GATAD1: variants seen among roughly 807,000 people sequenced by gnomAD.
GATAD1 encodes the protein GATA zinc finger domain-containing protein 1.
Under a neutral mutation model 26.5 loss-of-function variants are expected in GATAD1, and 12 were observed. That is an observed-to-expected ratio of 0.45 (90% CI 0.29 to 0.73). GATAD1 has a LOEUF of 0.73. Ranked by LOEUF, GATAD1 falls within the 30% of genes least tolerant of loss-of-function variation. GATAD1 has a pLI of 0.10. For synonymous variants in GATAD1, 129 were observed against 133.1 expected (o/e 0.97, Z 0.21); for missense variants, 266 against 342.1 (o/e 0.78, Z 1.75).
chr7:92,495,081 CATTT>C, the GATAD1 span, among the ~76,000 whole-genome samples: 1 of 151,858 alleles, frequency 6.6e-6, no homozygotes, highest in African/African-American at 2.4e-5. Flanking sequence ...AATGCCTATT[CATTT>C]ATTTTGCCCA....
At chr7:92,493,003 T>C in the GATAD1 span, 1 of 1,613,952 alleles carries the variant, frequency 6.2e-7, no homozygotes, top group Middle Eastern at 1.6e-4. Context: ...AATTGGGCAT[T>C]GTAAAGTAAA....
the GATAD1 span, chr7:92,470,888 C>G: frequency 6.0e-6 from 1 of 167,334 alleles, no homozygotes; most frequent in Non-Finnish European, 1.5e-5. Context: ...ACAGAGCAGG[C>G]CATGTGAGGT....
chr7:92,493,122 C>G, the GATAD1 span: 1 of 1,589,648 alleles, frequency 6.3e-7, no homozygotes, highest in Non-Finnish European at 8.6e-7. Context: ...AATTTCAAGA[C>G]GTGACACCTG....
chr7:92,459,694 C>T lies in GATAD1; in HGVS notation c.*3132C>T, dbSNP rs1209646322. Among the ~76,000 whole-genome samples, 1 of 152,222 alleles carries T rather than the reference C, an allele frequency of 6.6e-6. No individual in the cohort carries two copies. Among genetic ancestry groups the T allele is most frequent in the African/African-American group, 2.4e-5 (1 of 41,456 alleles). On this transcript the variant is annotated 3_prime_UTR_variant, in exon 5 of 5. Transcript: ENST00000287957. ...GAATCAATCTCTATCCTATTGTCAT[C>T]ACATTTAAGTTTCTACTTCCATCAT...
the GATAD1 span, chr7:92,489,357 T>C: frequency 6.2e-7 from 1 of 1,611,600 alleles, no homozygotes; most frequent in Admixed American, 1.7e-5. Flanking sequence ...AGTGCAGTCA[T>C]TAAATGTGAC....
chr7:92,475,619 C>T, the GATAD1 span, among the ~76,000 whole-genome samples: 232 of 150,364 alleles, frequency 1.5e-3, 1 homozygote, highest in Middle Eastern at 3.5e-3. Context: ...CTCTGTTTAT[C>T]GGATTAGTTA....
At chr7:92,487,339 TA>T in the GATAD1 span, 1 of 626,246 alleles carries the variant, frequency 1.6e-6, no homozygotes, top group South Asian at 2.0e-5. Flanking sequence ...TGTGATTTTA[TA>T]AATTAACCAA....
At chr7:92,454,834 T>C (rs1789601197) in intron 4 of GATAD1, 149 bp downstream of exon 4, 1 of 583,036 alleles carries the variant, frequency 1.7e-6, no homozygotes, top group East Asian at 3.1e-5. Context: ...CTCACAGTTG[T>C]GGAGGCTGAA....
At chr7:92,456,340 T>A in intron 4 of GATAD1, 32 bp from the exon 5 acceptor site, 14 of 1,422,122 alleles carry the variant, frequency 9.8e-6, no homozygotes, top group Non-Finnish European at 1.4e-5. Flanking sequence ...TGGTCAAAAA[T>A]GTATTTAACC....
chr7:92,485,754 T>TAAG, the GATAD1 span, among the ~76,000 whole-genome samples: 5 of 152,290 alleles, frequency 3.3e-5, no homozygotes, highest in East Asian at 9.6e-4. Flanking sequence ...ACAGAATTGT[T>TAAG]AAGTAACATA....
chr7:92,493,158 T>A, the GATAD1 span: 2 of 1,249,312 alleles, frequency 1.6e-6, no homozygotes, highest in Middle Eastern at 2.1e-4. Flanking sequence ...ATTTAACAAA[T>A]AAAAAATAAA....
the GATAD1 span, chr7:92,491,563 A>G: frequency 8.1e-5 from 79 of 971,392 alleles, no homozygotes; most frequent in Middle Eastern, 2.1e-4. Context: ...TCAGAAATAA[A>G]TAATAACATA....
At chr7:92,489,232 A>G in the GATAD1 span, 1 of 1,393,360 alleles carries the variant, frequency 7.2e-7, no homozygotes, top group Non-Finnish European at 1.0e-6. Flanking sequence ...TAAAGGTTTA[A>G]GTGTAATACT....
At chr7:92,462,718 C>T (rs561218782), downstream of GATAD1, among the ~76,000 whole-genome samples, 7 of 152,182 alleles carry the variant, frequency 4.6e-5, no homozygotes, top group Non-Finnish European at 7.3e-5. Context: ...TCTACGAGGT[C>T]ATGAGGGTGG....
At chr7:92,491,858 G>A in the GATAD1 span, among the ~76,000 whole-genome samples, 2 of 152,092 alleles carry the variant, frequency 1.3e-5, no homozygotes, top group Admixed American at 1.3e-4. Context: ...ATTATAGAGA[G>A]CTCTACAAAT....
the GATAD1 span, chr7:92,489,733 C>A: frequency 1.2e-6 from 2 of 1,614,072 alleles, no homozygotes; most frequent in East Asian, 4.5e-5. Flanking sequence ...GCTCCGGTAT[C>A]TGCCTTTGAT....
chr7:92,450,658 C>A (rs753276680), intron 2 of GATAD1, 43 bp from the exon 3 acceptor site: 7 of 1,349,738 alleles, frequency 5.2e-6, no homozygotes, highest in Non-Finnish European at 7.4e-6. Context: ...CCTGTAGACA[C>A]ATACATACTA....
At chr7:92,492,856 G>A in the GATAD1 span, 1 of 929,348 alleles carries the variant, frequency 1.1e-6, no homozygotes, top group South Asian at 1.3e-5. Context: ...TTTTACCAAA[G>A]TTGTTTAAAA....
intron 3 of GATAD1, among the ~76,000 whole-genome samples, chr7:92,452,765 A>C (rs2115866118): frequency 6.6e-6 from 1 of 152,338 alleles, no homozygotes; most frequent in East Asian, 1.9e-4. Flanking sequence ...TCTTTCACTA[A>C]GACATTGTTT....
Sources: gnomAD v4.1 joint callset for allele counts (sites outside exome capture counted in the v4.1 genomes callset) on GRCh38, gnomAD v4.1.1 for gene constraint, MANE v1.5 for transcripts, NCBI Gene and HGNC (gene_info 2026-07-23, HGNC 2026-07-21) for gene names.